Variants in DCC observed in about 807,000 individuals in gnomAD.
DCC encodes DCC netrin 1 receptor.
DCC carries 58 observed loss-of-function variants against 172.5 expected under a neutral mutation model. The ratio of observed to expected loss-of-function variants is 0.34; its 90% CI spans 0.27 to 0.42. The LOEUF is 0.42. Ranked by LOEUF, DCC falls within the 10% of genes least tolerant of loss-of-function variation. DCC has a pLI of 1.00. For missense variants in DCC, 1,740 were observed against 1,791.0 expected (o/e 0.97, Z 0.51); for synonymous variants, 709 against 644.5 (o/e 1.10, Z -1.52).
At chr18:52,910,405 T>A (rs778426717) in intron 3 of DCC, among the ~76,000 whole-genome samples, 4 of 152,222 alleles carry the variant, frequency 2.6e-5, no homozygotes, top group Admixed American at 1.3e-4. Flanking sequence ...AGTACCTAGT[T>A]TCATTTGTTG....
chr18:53,439,216 A>G (rs1346414390), intron 22 of DCC, among the ~76,000 whole-genome samples: 1 of 151,904 alleles, frequency 6.6e-6, no homozygotes, highest in Non-Finnish European at 1.5e-5. Flanking sequence ...ATTACAAGCA[A>G]ATCAGCAAAG....
At chr18:53,185,944 A>C (rs9951445) in intron 9 of DCC, among the ~76,000 whole-genome samples, 7,665 of 152,296 alleles carry the variant, frequency 0.05, 223 homozygotes, top group Middle Eastern at 0.12. Context: ...TAAGTTAGTT[A>C]ATCACATTAA....
At chr18:52,970,887 C>T (rs887385212) in intron 5 of DCC, among the ~76,000 whole-genome samples, 22 of 152,226 alleles carry the variant, frequency 1.4e-4, no homozygotes, top group Middle Eastern at 3.4e-3. Context: ...AGAGAAAGAT[C>T]AGGGCATTTC....
At chr18:53,076,967 C>G (rs551337625) in intron 7 of DCC, among the ~76,000 whole-genome samples, 21 of 152,246 alleles carry the variant, frequency 1.4e-4, no homozygotes, top group Middle Eastern at 3.4e-3. Context: ...CATTTGTGCA[C>G]CTTTATGCCA....
At chr18:52,368,109 G>A (rs557270428) in intron 1 of DCC, among the ~76,000 whole-genome samples, 4 of 152,164 alleles carry the variant, frequency 2.6e-5, no homozygotes, top group Non-Finnish European at 5.9e-5. Context: ...AGAGGCATAG[G>A]AAAGTAATTT....
intron 15 of DCC, among the ~76,000 whole-genome samples, chr18:53,364,190 G>A (rs745494679): frequency 1.2e-4 from 18 of 152,202 alleles, no homozygotes; most frequent in Non-Finnish European, 2.2e-4. Flanking sequence ...TTATCTGGGA[G>A]ATCATTGACA....
intron 12 of DCC, among the ~76,000 whole-genome samples, chr18:53,217,205 T>C (rs2055864813): frequency 6.6e-6 from 1 of 151,758 alleles, no homozygotes; most frequent in Non-Finnish European, 1.5e-5. Context: ...TATTTGAATA[T>C]GGATGTACTT....
intron 25 of DCC, among the ~76,000 whole-genome samples, chr18:53,480,022 C>T (rs754162672): frequency 3.2e-4 from 48 of 152,124 alleles, no homozygotes; most frequent in Non-Finnish European, 5.9e-4. Flanking sequence ...TTCCATGGAA[C>T]CAGATCAGAG....
At chr18:53,140,272 A>G (rs1369754834) in intron 7 of DCC, among the ~76,000 whole-genome samples, 2 of 152,154 alleles carry the variant, frequency 1.3e-5, no homozygotes, top group Non-Finnish European at 1.5e-5. Context: ...ATATGTTAAA[A>G]CCCAAATTAA....
At chr18:53,058,924 T>C (rs1448941457) in intron 5 of DCC, among the ~76,000 whole-genome samples, 1 of 152,146 alleles carries the variant, frequency 6.6e-6, no homozygotes, top group Non-Finnish European at 1.5e-5. Context: ...TCTGTATTAG[T>C]CCATTCTCAT....
chr18:52,479,580 AC>A (rs11294586), intron 1 of DCC, among the ~76,000 whole-genome samples: 91,890 of 117,502 alleles, frequency 0.78, 35,119 homozygotes, highest in Middle Eastern at 0.91. Context: ...ACCTCCCTCC[AC>A]CCCCCCCCCG....
intron 2 of DCC, among the ~76,000 whole-genome samples, chr18:52,855,447 T>C (rs921386388): frequency 6.6e-6 from 1 of 152,222 alleles, no homozygotes; most frequent in African/African-American, 2.4e-5. Context: ...TTTTAATTAA[T>C]AACATAATGC....
intron 1 of DCC, among the ~76,000 whole-genome samples, chr18:52,510,135 A>G (rs1030962272): frequency 3.4e-5 from 5 of 148,136 alleles, no homozygotes; most frequent in Non-Finnish European, 7.5e-5. Flanking sequence ...AAAAAAAAAA[A>G]GTCTAGTTAG....
intron 5 of DCC, among the ~76,000 whole-genome samples, chr18:53,058,316 C>A (rs1464169820): frequency 6.6e-6 from 1 of 152,002 alleles, no homozygotes; most frequent in Non-Finnish European, 1.5e-5. Flanking sequence ...AAGTTTTTAA[C>A]CTCTGAGTTA....
chr18:53,052,290 T>C (rs2042344335), intron 5 of DCC, among the ~76,000 whole-genome samples: 1 of 152,240 alleles, frequency 6.6e-6, no homozygotes, highest in East Asian at 1.9e-4. Flanking sequence ...GAATCCATTG[T>C]GTGAAGCAAC....
intron 1 of DCC, among the ~76,000 whole-genome samples, chr18:52,546,467 C>T (rs2032620025): frequency 6.6e-6 from 1 of 152,122 alleles, no homozygotes; most frequent in African/African-American, 2.4e-5. Flanking sequence ...CTCTCTCAGA[C>T]AACACCTACT....
chr18:52,896,687 T>A (rs930131231), intron 2 of DCC, among the ~76,000 whole-genome samples: 2 of 152,292 alleles, frequency 1.3e-5, no homozygotes, highest in Non-Finnish European at 2.9e-5. Flanking sequence ...CCTAGAACAA[T>A]GCTTCCCAAA....
chr18:52,417,743 C>G (rs1276469516), intron 1 of DCC, among the ~76,000 whole-genome samples: 1 of 152,192 alleles, frequency 6.6e-6, no homozygotes, highest in African/African-American at 2.4e-5. Context: ...AAGCACTTCT[C>G]TGTATTGGTT....
chr18:53,472,473 A>G (rs2045708937), intron 25 of DCC, among the ~76,000 whole-genome samples: 1 of 152,184 alleles, frequency 6.6e-6, no homozygotes, highest in Admixed American at 6.5e-5. Flanking sequence ...CTCTTGTATT[A>G]ATAACTAAGT....
Sources: gnomAD v4.1 joint callset for allele counts (sites outside exome capture counted in the v4.1 genomes callset) on GRCh38, gnomAD v4.1.1 for gene constraint, MANE v1.5 for transcripts, NCBI Gene and HGNC (gene_info 2026-07-23, HGNC 2026-07-21) for gene names.